TYW1: variants seen among roughly 807,000 people sequenced by gnomAD.
The protein encoded by TYW1 is tRNA-yW synthesizing protein 1 homolog, also known as S-adenosyl-L-methionine-dependent tRNA 4-demethylwyosine synthase TYW1.
Under a neutral mutation model 96.2 loss-of-function variants are expected in TYW1, and 46 were observed. The observed-to-expected ratio is 0.48, with a 90% CI of 0.38 to 0.61. TYW1 has a LOEUF of 0.61. Among genes scored for constraint, TYW1 ranks in the 20% least tolerant of loss-of-function variants. The pLI is 0.00. For missense variants in TYW1, 684 were observed against 909.6 expected, an observed-to-expected ratio of 0.75 and a Z score of 3.19; for synonymous variants, 274 against 323.0, an observed-to-expected ratio of 0.85 and a Z score of 1.63.
intron 14 of TYW1, among the ~76,000 whole-genome samples, chr7:67,194,044 C>A (rs987916823): frequency 1.7e-4 from 26 of 151,866 alleles, no homozygotes; most frequent in African/African-American, 5.6e-4. Context: ...TAAGATAAAT[C>A]TTTTAGTATT....
chr7:67,066,370 C>T (rs1251675841), intron 9 of TYW1, among the ~76,000 whole-genome samples: 1 of 152,188 alleles, frequency 6.6e-6, no homozygotes, highest in Non-Finnish European at 1.5e-5. Flanking sequence ...TTGATATTAT[C>T]TTGATTCCAA....
In TYW1 at chr7:67,198,550, CAA is replaced by C. The variant is rs35164931; in HGVS notation, c.1977+3225_1977+3226del. 1.1e-3 allele frequency among the ~76,000 whole-genome samples: 147 copies of C among 133,676 alleles called. 1 individual carries two copies. The highest frequency in any genetic ancestry group is 3.1e-3 in the African/African-American group (114 of 37,300). The allele number at this position is 133,676 out of a possible 152,430, so 87.7% of individuals were successfully genotyped here. On this transcript the variant is annotated intron_variant, in intron 15 of 15. Coordinates refer to ENST00000359626, the MANE Select transcript of TYW1 (RefSeq NM_018264.4). ...TGGGCGACAGGGTGAGACTCCATCT[CAA>C]AAAAAAAAAAAGAAGATATAAAGTA... is the stretch of plus-strand genomic sequence containing the variant.
intron 13 of TYW1, among the ~76,000 whole-genome samples, chr7:67,135,583 G>C: frequency 6.7e-6 from 1 of 150,106 alleles, no homozygotes; most frequent in Non-Finnish European, 1.5e-5. Context: ...GATTATAGGC[G>C]TGAGCTACCA....
At chr7:67,163,912 G>T (rs561836933) in intron 13 of TYW1, among the ~76,000 whole-genome samples, 15 of 151,988 alleles carry the variant, frequency 9.9e-5, no homozygotes, top group African/African-American at 3.4e-4. Context: ...CAGATGATCC[G>T]CCCACCTTGG....
chr7:67,010,169 T>C (rs570397446), intron 4 of TYW1, among the ~76,000 whole-genome samples: 118 of 151,936 alleles, frequency 7.8e-4, no homozygotes, highest in African/African-American at 2.8e-3. Context: ...TGTGTGTCTG[T>C]GTTTTTTGCT....
intron 15 of TYW1, among the ~76,000 whole-genome samples, chr7:67,217,894 T>TGTCACCCAGGCTGGAGTGCA (rs1801254693): frequency 7.0e-6 from 1 of 143,104 alleles, no homozygotes; most frequent in Admixed American, 7.3e-5. Flanking sequence ...TTTTCACTCT[T>TGTCACCCAGGCTGGAGTGCA]GTCACCCAGG....
At chr7:67,177,058 T>C (rs1343191417) in intron 13 of TYW1, among the ~76,000 whole-genome samples, 1 of 152,160 alleles carries the variant, frequency 6.6e-6, no homozygotes, top group Non-Finnish European at 1.5e-5. Flanking sequence ...AGTGTGATAT[T>C]GAGACAATGA....
intron 13 of TYW1, among the ~76,000 whole-genome samples, chr7:67,153,433 G>GT (rs1476267362): frequency 1.3e-5 from 2 of 152,180 alleles, no homozygotes; most frequent in Admixed American, 1.3e-4. Flanking sequence ...TCCAGCCTGG[G>GT]TGACAAAGCA....
At chr7:67,001,923 A>G (rs1793406049) in intron 3 of TYW1, among the ~76,000 whole-genome samples, 1 of 151,878 alleles carries the variant, frequency 6.6e-6, no homozygotes, top group East Asian at 1.9e-4. Context: ...AATTCCAGCT[A>G]CTTGGGAAGC....
chr7:67,126,995 C>A (rs1563027700), intron 13 of TYW1, among the ~76,000 whole-genome samples: 1 of 151,602 alleles, frequency 6.6e-6, no homozygotes, highest in Non-Finnish European at 1.5e-5. Flanking sequence ...AAATATGATT[C>A]CATTTTCTCT....
chr7:67,091,490 C>T (rs1271758639), intron 11 of TYW1, among the ~76,000 whole-genome samples: 1 of 152,090 alleles, frequency 6.6e-6, no homozygotes, highest in African/African-American at 2.4e-5. Flanking sequence ...GTACAGCACG[C>T]CAACGTGGCA....
chr7:67,176,584 A>T (rs908540014), intron 13 of TYW1, among the ~76,000 whole-genome samples: 12 of 152,178 alleles, frequency 7.9e-5, no homozygotes, highest in African/African-American at 2.7e-4. Context: ...ATTAAAAAAA[A>T]TTTCACCTGT....
chr7:67,023,916 A>T (rs1354132123), intron 6 of TYW1, among the ~76,000 whole-genome samples: 2 of 152,208 alleles, frequency 1.3e-5, no homozygotes, highest in Non-Finnish European at 2.9e-5. Context: ...CTCATCTATG[A>T]GATGATGTTG....
intron 13 of TYW1, among the ~76,000 whole-genome samples, chr7:67,159,077 G>A (rs1242291403): frequency 6.6e-6 from 1 of 151,990 alleles, no homozygotes; most frequent in East Asian, 1.9e-4. Context: ...AGCTTAAATT[G>A]CTCTTGTTTT....
intron 7 of TYW1, among the ~76,000 whole-genome samples, chr7:67,032,807 T>C (rs2129251280): frequency 6.6e-6 from 1 of 150,780 alleles, no homozygotes; most frequent in South Asian, 2.1e-4. Context: ...CAAAATGTAC[T>C]CTGAGAAGCT....
chr7:67,063,165 A>C (rs1795748784), intron 9 of TYW1, among the ~76,000 whole-genome samples: 1 of 152,202 alleles, frequency 6.6e-6, no homozygotes, highest in Non-Finnish European at 1.5e-5. Flanking sequence ...GCAATCCACC[A>C]TATCAAACAT....
rs1796870069 is a variant in TYW1 at position 67,095,466 on chromosome 7, A to G, written c.1385-3075A>G. On this transcript the variant is annotated intron_variant, in intron 11 of 15. Coordinates refer to ENST00000359626, the MANE Select transcript of TYW1 (RefSeq NM_018264.4). ...CTTTGGGAGGCTGAGGCAGGCCAAC[A>G]TAGTGAAACCCCATCTCTACTAAAA... Among the ~76,000 whole-genome samples the G allele has an allele frequency of 3.3e-5, 5 of 149,624 alleles. No homozygotes were observed. In the South Asian group the frequency reaches 1.1e-3, roughly 32 times the overall value.
intron 15 of TYW1, among the ~76,000 whole-genome samples, chr7:67,202,960 A>G (rs1232607510): frequency 2.0e-5 from 3 of 152,248 alleles, no homozygotes; most frequent in African/African-American, 7.2e-5. Context: ...GGAAATAGAC[A>G]TTGGTACAAC....
intron 14 of TYW1, among the ~76,000 whole-genome samples, chr7:67,189,239 T>C (rs1287632007): frequency 6.6e-6 from 1 of 152,166 alleles, no homozygotes; most frequent in African/African-American, 2.4e-5. Flanking sequence ...AGTGGCGTCA[T>C]GGCCAGGCAT....
Sources: gnomAD v4.1 joint callset for allele counts (sites outside exome capture counted in the v4.1 genomes callset) on GRCh38, gnomAD v4.1.1 for gene constraint, MANE v1.5 for transcripts, NCBI Gene and HGNC (gene_info 2026-07-23, HGNC 2026-07-21) for gene names.